The following NPEPPS variants were observed in gnomAD, a reference collection of about 807,000 sequenced individuals.
NPEPPS encodes aminopeptidase puromycin sensitive.
Under a neutral mutation model 115.5 loss-of-function variants are expected in NPEPPS, and 14 were observed. The ratio of observed to expected loss-of-function variants is 0.12; its 90% CI spans 0.08 to 0.19. The LOEUF (loss-of-function observed/expected upper bound fraction) is 0.19, where lower values mean the gene tolerates loss of function less well. NPEPPS is among the 10% of genes least tolerant of loss of function. The probability of loss-of-function intolerance (pLI) is 1.00; values close to 1 mark genes in which losing one functional copy is unlikely to be tolerated. For synonymous variants in NPEPPS, 285 were observed against 390.6 expected, an observed-to-expected ratio of 0.73 and a Z score of 3.19; for missense variants, 523 against 1,110.8, an observed-to-expected ratio of 0.47 and a Z score of 7.52.
intron 17 of NPEPPS, among the ~76,000 whole-genome samples, chr17:47,611,450 C>G (rs1213295049): frequency 7.3e-6 from 1 of 137,132 alleles, no homozygotes; most frequent in Non-Finnish European, 1.6e-5. Context: ...CAGAGCGAGA[C>G]CACATCTCAA....
chr17:47,565,505 C>CA (rs1172238090), intron 2 of NPEPPS, among the ~76,000 whole-genome samples: 4,827 of 64,072 alleles, frequency 0.075, 264 homozygotes, highest in African/African-American at 0.18. Flanking sequence ...GACTCCATCT[C>CA]AAAAAAAAAA....
In NPEPPS at chr17:47,621,962, A is replaced by G. The variant is rs1336830758; in HGVS notation, c.*42A>G. 4 of 1,561,494 alleles carry G rather than the reference A, an allele frequency of 2.6e-6. No individual in the cohort carries two copies. In the African/African-American group the frequency reaches 5.4e-5, roughly 21 times the overall value. ...ATTGGCGGTTCTGCTGCTTCGCTGC[A>G]GGGATAAGGTGGAGCTACCGAACAG... On this transcript the variant is annotated 3_prime_UTR_variant, in exon 23 of 23. Coordinates refer to ENST00000322157, the MANE Select transcript of NPEPPS (RefSeq NM_006310.4).
chr17:47,538,402 C>A (rs1288790033), intron 1 of NPEPPS, among the ~76,000 whole-genome samples: 1 of 150,332 alleles, frequency 6.7e-6, no homozygotes, highest in Non-Finnish European at 1.5e-5. Context: ...TTTCTAGAGA[C>A]CAGGTTTCGC....
intron 19 of NPEPPS, among the ~76,000 whole-genome samples, chr17:47,614,649 G>C (rs2143968227): frequency 6.6e-6 from 1 of 152,320 alleles, no homozygotes; most frequent in African/African-American, 2.4e-5. Flanking sequence ...GTAGTACTGT[G>C]AAGCAAATGC....
intron 17 of NPEPPS, among the ~76,000 whole-genome samples, chr17:47,612,210 A>T (rs560288689): frequency 6.6e-6 from 1 of 152,338 alleles, no homozygotes; most frequent in Non-Finnish European, 1.5e-5. Flanking sequence ...AACATTTAGT[A>T]AACTCAGATA....
At chr17:47,531,584 G>A in intron 1 of NPEPPS, 29 bp downstream of exon 1, 1 of 1,571,754 alleles carries the variant, frequency 6.4e-7, no homozygotes, top group Non-Finnish European at 8.6e-7. Context: ...CCCGGGGCAA[G>A]CTGCGGGGCG....
chr17:47,577,425 T>C (rs1440982133), intron 3 of NPEPPS, among the ~76,000 whole-genome samples: 1 of 152,104 alleles, frequency 6.6e-6, no homozygotes, highest in Non-Finnish European at 1.5e-5. Context: ...CATTTGCTTT[T>C]TTAAAAAAAT....
chr17:47,568,460 C>T (rs748149856), intron 2 of NPEPPS, among the ~76,000 whole-genome samples: 10 of 152,062 alleles, frequency 6.6e-5, no homozygotes, highest in South Asian at 6.2e-4. Context: ...TATGAGCCAC[C>T]GTGTCCGGCC....
intron 2 of NPEPPS, among the ~76,000 whole-genome samples, chr17:47,555,121 A>C (rs1909914948): frequency 1.3e-5 from 2 of 152,078 alleles, no homozygotes. Flanking sequence ...ATGGGTAACA[A>C]AATTATTTCG....
intron 1 of NPEPPS, among the ~76,000 whole-genome samples, chr17:47,533,026 A>G (rs1907937641): frequency 6.6e-6 from 1 of 152,210 alleles, no homozygotes; most frequent in South Asian, 2.1e-4. Context: ...TGTATATAGT[A>G]ATGAAATGAA....
chr17:47,575,712 C>T lies in NPEPPS; in HGVS notation c.419-3678C>T, dbSNP rs193275399. On this transcript the variant is annotated intron_variant, in intron 3 of 22. Coordinates refer to ENST00000322157, the MANE Select transcript of NPEPPS (RefSeq NM_006310.4). ...CTCTGCCTCCTGGGTTCATGCCATT[C>T]TCCTGTCTCAGCCTCCCGAGTAGCT... Among the ~76,000 whole-genome samples, 1,298 of 151,820 alleles carry T rather than the reference C, an allele frequency of 8.5e-3. 17 individuals carry two copies. Among genetic ancestry groups the T allele is most frequent in the African/African-American group, 0.03 (1,242 of 41,396 alleles).
At chr17:47,613,220 T>G (rs1913985018) in intron 18 of NPEPPS, among the ~76,000 whole-genome samples, 1 of 151,766 alleles carries the variant, frequency 6.6e-6, no homozygotes, top group Non-Finnish European at 1.5e-5. Context: ...GCTAGCTCCT[T>G]AACTACAGTT....
chr17:47,532,274 C>A (rs966548410), intron 1 of NPEPPS, among the ~76,000 whole-genome samples: 1 of 152,164 alleles, frequency 6.6e-6, no homozygotes, highest in Non-Finnish European at 1.5e-5. Context: ...ACCCCATCTC[C>A]GCTTTTCCAC....
intron 1 of NPEPPS, among the ~76,000 whole-genome samples, chr17:47,544,096 G>T (rs111379683): frequency 1.3e-5 from 2 of 151,560 alleles, no homozygotes; most frequent in East Asian, 2.0e-4. Flanking sequence ...GGGTTTCACC[G>T]TGTTAGCCAG....
chr17:47,617,986 G>T (rs544617499), intron 19 of NPEPPS, among the ~76,000 whole-genome samples: 1 of 151,846 alleles, frequency 6.6e-6, no homozygotes, highest in Non-Finnish European at 1.5e-5. Flanking sequence ...CGATTCTCCC[G>T]CCTCGGCCTC....
intron 1 of NPEPPS, among the ~76,000 whole-genome samples, chr17:47,538,784 T>C (rs562851514): frequency 6.6e-6 from 1 of 152,272 alleles, no homozygotes; most frequent in South Asian, 2.1e-4. Flanking sequence ...CGCCTCGGCC[T>C]CCCAAAGTGC....
At position 47,536,856 on chromosome 17, in the gene NPEPPS, C is replaced by T. The variant is rs567184644; in HGVS notation, c.255+5301C>T. Among the ~76,000 whole-genome samples, 76 of 151,794 alleles carry T rather than the reference C, an allele frequency of 5.0e-4. 1 individual carries two copies. The highest frequency in any genetic ancestry group is 1.7e-3 in the African/African-American group (69 of 41,388). ...CCTCCAGAGTAGCTGGGATTACAGGCGCGCACCACCAAGCCCAGCTAATTT... is the reference window on the plus strand; with the variant it reads ...CCTCCAGAGTAGCTGGGATTACAGGTGCGCACCACCAAGCCCAGCTAATTT... On this transcript the variant is annotated intron_variant, in intron 1 of 22. Coordinates refer to ENST00000322157, the MANE Select transcript of NPEPPS (RefSeq NM_006310.4).
chr17:47,608,686 A>C (rs1315805333), intron 17 of NPEPPS, among the ~76,000 whole-genome samples: 3 of 152,192 alleles, frequency 2.0e-5, no homozygotes, highest in Admixed American at 2.0e-4. Context: ...TTCAGGATTT[A>C]GAGATTGTGT....
At chr17:47,566,421 T>G (rs1910817842) in intron 2 of NPEPPS, among the ~76,000 whole-genome samples, 1 of 152,024 alleles carries the variant, frequency 6.6e-6, no homozygotes, top group Admixed American at 6.6e-5. Context: ...TTTTGCCATT[T>G]ATAAATTTTC....
Sources: gnomAD v4.1 joint callset for allele counts (sites outside exome capture counted in the v4.1 genomes callset) on GRCh38, gnomAD v4.1.1 for gene constraint, MANE v1.5 for transcripts, NCBI Gene and HGNC (gene_info 2026-07-23, HGNC 2026-07-21) for gene names.